The following ZNRF3 variants were observed in gnomAD, a reference collection of about 807,000 sequenced individuals.
ZNRF3 encodes the protein zinc and ring finger 3.
ZNRF3 carries 23 observed loss-of-function variants against 72.5 expected under a neutral mutation model. The ratio of observed to expected loss-of-function variants is 0.32; its 90% CI spans 0.23 to 0.45. The LOEUF is 0.45. ZNRF3 is among the 20% of genes least tolerant of loss of function. ZNRF3 has a pLI of 1.00. For missense variants in ZNRF3, 1,169 were observed against 1,272.1 expected, an observed-to-expected ratio of 0.92 and a Z score of 1.23; for synonymous variants, 610 against 545.3, an observed-to-expected ratio of 1.12 and a Z score of -1.65.
intron 1 of ZNRF3, among the ~76,000 whole-genome samples, chr22:28,886,308 C>G (rs1045429857): frequency 2.0e-5 from 3 of 152,170 alleles, no homozygotes; most frequent in African/African-American, 4.8e-5. Context: ...TGTTTTAGGG[C>G]CGCTGAGAGG....
chr22:28,945,526 A>AT (rs528570669), intron 1 of ZNRF3, among the ~76,000 whole-genome samples: 5,693 of 137,828 alleles, frequency 0.041, 152 homozygotes, highest in South Asian at 0.069. Flanking sequence ...ACCCGTCTCT[A>AT]TTTTTTTTTT....
chr22:28,939,323 A>G (rs764704169), intron 1 of ZNRF3, among the ~76,000 whole-genome samples: 8 of 151,696 alleles, frequency 5.3e-5, no homozygotes, highest in Non-Finnish European at 1.2e-4. Context: ...TATACTTCAT[A>G]TGTTTGTTAG....
chr22:28,973,036 G>A (rs781671641), intron 1 of ZNRF3, among the ~76,000 whole-genome samples: 43 of 152,126 alleles, frequency 2.8e-4, no homozygotes, highest in African/African-American at 1.0e-3. Flanking sequence ...AGGCTGGAGC[G>A]CAGTGGAGCC....
intron 2 of ZNRF3, among the ~76,000 whole-genome samples, chr22:29,020,314 G>A (rs997978417): frequency 7.1e-6 from 1 of 140,664 alleles, no homozygotes; most frequent in Non-Finnish European, 1.5e-5. Context: ...AGGCTGGAGT[G>A]CAGTGGCATA....
Position 28,908,694 on chromosome 22 carries a change from G to C in ZNRF3, c.300+24628G>C, listed in dbSNP as rs894026486. Reference sequence around the variant, plus strand: ...GACTTAGCCGGATTGCTGGATGCGCGGTCAGTTGGATGCAAATTTGCTTTT... The same window carrying C: ...GACTTAGCCGGATTGCTGGATGCGCCGTCAGTTGGATGCAAATTTGCTTTT... On this transcript the variant is annotated intron_variant, in intron 1 of 8. Transcript: ENST00000544604. Among the ~76,000 whole-genome samples the C allele has an allele frequency of 3.3e-5, 5 of 152,050 alleles. No individual in the cohort carries two copies. In the East Asian group the frequency reaches 9.6e-4, roughly 29 times the overall value.
intron 1 of ZNRF3, among the ~76,000 whole-genome samples, chr22:28,964,086 C>G (rs1168355792): frequency 6.6e-6 from 1 of 152,176 alleles, no homozygotes; most frequent in East Asian, 1.9e-4. Context: ...CAGGAGTCTT[C>G]AGCTACTCAG....
intron 1 of ZNRF3, among the ~76,000 whole-genome samples, chr22:28,981,629 T>C (rs1462719798): frequency 6.6e-6 from 1 of 152,240 alleles, no homozygotes; most frequent in Non-Finnish European, 1.5e-5. Flanking sequence ...AAACAAAGAT[T>C]GAATCTCTTG....
intron 2 of ZNRF3, among the ~76,000 whole-genome samples, chr22:28,989,252 T>G (rs925344345): frequency 2.6e-5 from 4 of 152,150 alleles, no homozygotes; most frequent in Non-Finnish European, 5.9e-5. Flanking sequence ...TACACCTGAA[T>G]AAAATCATTA....
chr22:28,987,021 G>A lies in ZNRF3; in HGVS notation c.301-55G>A, dbSNP rs2035866419. On this transcript the variant is annotated intron_variant, in intron 1 of 8. Transcript: ENST00000544604. Reference sequence around the variant, plus strand: ...AGCATCTGAGAAATACACAATATGAGTCAAGCAAATGTGTAGCTTGCCTGC... The same window carrying A: ...AGCATCTGAGAAATACACAATATGAATCAAGCAAATGTGTAGCTTGCCTGC... The A allele has an allele frequency of 1.9e-5, 30 of 1,575,182 alleles. No individual in the cohort carries two copies. In the South Asian group the frequency reaches 3.2e-4, roughly 17 times the overall value.
At chr22:28,998,010 A>T in intron 2 of ZNRF3, among the ~76,000 whole-genome samples, 1 of 150,856 alleles carries the variant, frequency 6.6e-6, no homozygotes, top group East Asian at 1.9e-4. Flanking sequence ...AAAAAAAAAA[A>T]AAGTATGACC....
intron 1 of ZNRF3, among the ~76,000 whole-genome samples, chr22:28,914,548 C>T (rs1397440986): frequency 1.4e-5 from 2 of 139,796 alleles, no homozygotes; most frequent in African/African-American, 2.6e-5. Flanking sequence ...GGCACGGTGG[C>T]TCACGCCTAT....
intron 4 of ZNRF3, among the ~76,000 whole-genome samples, chr22:29,043,682 A>G (rs2037011137): frequency 6.6e-6 from 1 of 152,078 alleles, no homozygotes; most frequent in African/African-American, 2.4e-5. Flanking sequence ...TCCACCTGGC[A>G]TTCCCTCTTG....
At chr22:28,952,587 T>G (rs1308262461) in intron 1 of ZNRF3, among the ~76,000 whole-genome samples, 1 of 151,906 alleles carries the variant, frequency 6.6e-6, no homozygotes, top group East Asian at 1.9e-4. Context: ...AAGCCAAGTA[T>G]AAAAGGTATT....
At chr22:28,910,559 T>A (rs2034297219) in intron 1 of ZNRF3, among the ~76,000 whole-genome samples, 1 of 152,202 alleles carries the variant, frequency 6.6e-6, no homozygotes, top group South Asian at 2.1e-4. Flanking sequence ...AATGTCCTCT[T>A]ATTTTCTGGC....
chr22:28,948,862 G>A (rs951803100), intron 1 of ZNRF3, among the ~76,000 whole-genome samples: 1 of 152,124 alleles, frequency 6.6e-6, no homozygotes, highest in African/African-American at 2.4e-5. Flanking sequence ...ACTAATGAAT[G>A]ATTTTGTATT....
At chr22:28,977,753 T>C (rs900990922) in intron 1 of ZNRF3, among the ~76,000 whole-genome samples, 2 of 152,232 alleles carry the variant, frequency 1.3e-5, no homozygotes, top group Admixed American at 6.5e-5. Context: ...TTGAAGTTAT[T>C]TTAAACTCTC....
At chr22:29,019,198 C>G (rs939674206) in intron 2 of ZNRF3, among the ~76,000 whole-genome samples, 2 of 152,056 alleles carry the variant, frequency 1.3e-5, no homozygotes, top group Non-Finnish European at 2.9e-5. Flanking sequence ...TGTATTTGCT[C>G]ATGTCCCATT....
intron 1 of ZNRF3, among the ~76,000 whole-genome samples, chr22:28,901,319 CA>C (rs2034099358): frequency 6.6e-6 from 1 of 152,066 alleles, no homozygotes; most frequent in South Asian, 2.1e-4. Context: ...TGCATAAGGC[CA>C]ACGCCCAGAA....
chr22:28,999,334 C>CA (rs967959079), intron 2 of ZNRF3, among the ~76,000 whole-genome samples: 15 of 147,790 alleles, frequency 1.0e-4, no homozygotes, highest in African/African-American at 2.5e-4. Context: ...ACTCTGTCTC[C>CA]AAAAAAAAAG....
Sources: gnomAD v4.1 joint callset for allele counts (sites outside exome capture counted in the v4.1 genomes callset) on GRCh38, gnomAD v4.1.1 for gene constraint, MANE v1.5 for transcripts, NCBI Gene and HGNC (gene_info 2026-07-23, HGNC 2026-07-21) for gene names.